Variants in DLG2 observed in about 807,000 individuals in gnomAD.
DLG2 encodes discs large MAGUK scaffold protein 2.
In DLG2, 45 loss-of-function variants were observed where a neutral mutation model predicts 132.5. The ratio of observed to expected loss-of-function variants is 0.34; its 90% confidence interval spans 0.27 to 0.44. The LOEUF is 0.44. Among genes scored for constraint, DLG2 ranks in the 20% least tolerant of loss-of-function variants. The pLI is 1.00. For synonymous variants in DLG2, 424 were observed against 419.6 expected (o/e 1.01, Z -0.13); for missense variants, 1,045 against 1,196.9 (o/e 0.87, Z 1.87).
chr11:85,010,644 T>C (rs1425665291), intron 6 of DLG2, among the ~76,000 whole-genome samples: 30 of 152,156 alleles, frequency 2.0e-4, no homozygotes, highest in Admixed American at 1.9e-3. Flanking sequence ...TATGATGAAT[T>C]CTCTGAAGAT....
At chr11:83,899,022 A>G (rs543048053) in intron 15 of DLG2, among the ~76,000 whole-genome samples, 2 of 152,346 alleles carry the variant, frequency 1.3e-5, no homozygotes, top group African/African-American at 4.8e-5. Flanking sequence ...ACCAGGTGTC[A>G]GATGGCTGAA....
At chr11:85,285,523 ATC>A (rs1354959466) in intron 3 of DLG2, among the ~76,000 whole-genome samples, 158 bp from the exon 4 acceptor site, 1 of 152,062 alleles carries the variant, frequency 6.6e-6, no homozygotes, top group Non-Finnish European at 1.5e-5. Context: ...CCTGAAAATT[ATC>A]TTTTTACCTG....
At chr11:85,609,214 C>G (rs1451031096) in intron 2 of DLG2, among the ~76,000 whole-genome samples, 1 of 152,188 alleles carries the variant, frequency 6.6e-6, no homozygotes, top group Non-Finnish European at 1.5e-5. Context: ...AAAATATACT[C>G]CCCTGTCACC....
intron 6 of DLG2, among the ~76,000 whole-genome samples, chr11:85,066,125 T>A (rs947461156): frequency 5.3e-5 from 8 of 151,616 alleles, no homozygotes; most frequent in Non-Finnish European, 1.0e-4. Context: ...ACATCACAAC[T>A]AATAACTCAG....
chr11:85,124,892 G>C (rs1030150040), intron 5 of DLG2, among the ~76,000 whole-genome samples: 8 of 151,298 alleles, frequency 5.3e-5, no homozygotes, highest in South Asian at 2.1e-4. Flanking sequence ...GTGCAGTGGC[G>C]CAATCTTGGC....
intron 7 of DLG2, among the ~76,000 whole-genome samples, chr11:84,310,401 CTAAT>C (rs1211067868): frequency 6.6e-6 from 1 of 152,164 alleles, no homozygotes; most frequent in Non-Finnish European, 1.5e-5. Flanking sequence ...AAGGAAATGA[CTAAT>C]GTCATTTCCT....
intron 16 of DLG2, among the ~76,000 whole-genome samples, chr11:83,867,321 G>A (rs1412812057): frequency 2.0e-5 from 3 of 152,046 alleles, no homozygotes; most frequent in South Asian, 2.1e-4. Flanking sequence ...AGAGCAAAAT[G>A]AGAGCCACAT....
rs146147121 is a variant in DLG2 at position 84,783,276 on chromosome 11, C to T, written c.358-248545G>A. 5.3e-4 allele frequency among the ~76,000 whole-genome samples: 81 copies of T among 152,282 alleles called. 1 individual carries two copies. The East Asian group carries it at 0.013, about 24-fold the overall frequency. On this transcript the variant is annotated intron_variant, in intron 6 of 27. Transcript: ENST00000376104. ...CCTGGGTAAAACACTTATCCTATCA[C>T]GGCCTTAGTTTTCTCAACACTTAAA...
chr11:85,527,818 A>G (rs1263633110), intron 3 of DLG2, among the ~76,000 whole-genome samples: 2 of 152,196 alleles, frequency 1.3e-5, no homozygotes, highest in Non-Finnish European at 2.9e-5. Context: ...CGCCAACAAT[A>G]TAAAAGTGTT....
At chr11:84,793,665 G>C (rs186177890) in intron 6 of DLG2, among the ~76,000 whole-genome samples, 10 of 152,074 alleles carry the variant, frequency 6.6e-5, no homozygotes, top group African/African-American at 2.4e-4. Flanking sequence ...TACCTTCCTT[G>C]TTTCTCCTTA....
intron 7 of DLG2, among the ~76,000 whole-genome samples, chr11:84,376,624 T>C (rs1387622451): frequency 1.3e-5 from 2 of 151,940 alleles, no homozygotes; most frequent in Admixed American, 6.6e-5. Context: ...GTTAGTATTC[T>C]TGATTTTTAT....
intron 3 of DLG2, among the ~76,000 whole-genome samples, chr11:85,531,911 C>A (rs72953980): frequency 0.013 from 1,943 of 152,076 alleles, 16 homozygotes; most frequent in Non-Finnish European, 0.019. Flanking sequence ...AACTAAGGAA[C>A]AAAAATGTTA....
rs1351798127 is a variant in DLG2, at chr11:84,447,659, TAA to T, written c.519+86909_519+86910del. ...TAGTTTTTTCTTTCTTTTTCTTTTC[TAA>T]GTTTTATTTATTTATTTATTTATTT... On this transcript the variant is annotated intron_variant, in intron 7 of 27. Transcript: ENST00000376104. Among the ~76,000 whole-genome samples, 3 of 152,198 alleles carry T rather than the reference TAA, an allele frequency of 2.0e-5. No individual in the cohort carries two copies. In the South Asian group the frequency reaches 6.2e-4, roughly 32 times the overall value.
intron 7 of DLG2, among the ~76,000 whole-genome samples, chr11:84,314,896 A>G (rs1179473267): frequency 6.6e-6 from 1 of 152,146 alleles, no homozygotes; most frequent in Non-Finnish European, 1.5e-5. Context: ...TCAATTTAGC[A>G]TAGCACTTTT....
intron 7 of DLG2, among the ~76,000 whole-genome samples, chr11:84,526,690 G>A (rs1356419107): frequency 6.6e-6 from 1 of 151,318 alleles, no homozygotes; most frequent in African/African-American, 2.4e-5. Context: ...TTAATTATGT[G>A]ATAACATACT....
chr11:85,624,833 C>T (rs1478608943), intron 2 of DLG2, among the ~76,000 whole-genome samples: 2 of 151,902 alleles, frequency 1.3e-5, no homozygotes, highest in Admixed American at 1.3e-4. Flanking sequence ...AAATTCAATC[C>T]ATTAGTCAAT....
At chr11:84,676,692 C>T (rs1388604576) in intron 6 of DLG2, among the ~76,000 whole-genome samples, 1 of 152,044 alleles carries the variant, frequency 6.6e-6, no homozygotes, top group Non-Finnish European at 1.5e-5. Flanking sequence ...CAAATACAGG[C>T]ATAAACAACA....
chr11:85,155,007 G>C (rs978581763), intron 4 of DLG2, among the ~76,000 whole-genome samples: 3 of 152,312 alleles, frequency 2.0e-5, no homozygotes, highest in African/African-American at 7.2e-5. Flanking sequence ...TCTCATGCTT[G>C]GAGAAATCTC....
intron 3 of DLG2, among the ~76,000 whole-genome samples, chr11:85,358,977 T>G (rs74695144): frequency 6.6e-6 from 1 of 152,340 alleles, no homozygotes; most frequent in East Asian, 1.9e-4. Flanking sequence ...TTATCTAAAT[T>G]TATACTAGAT....
Sources: gnomAD v4.1 joint callset for allele counts (sites outside exome capture counted in the v4.1 genomes callset) on GRCh38, gnomAD v4.1.1 for gene constraint, MANE v1.5 for transcripts, NCBI Gene and HGNC (gene_info 2026-07-23, HGNC 2026-07-21) for gene names.